Variants in TES observed in about 807,000 individuals in gnomAD.
TES encodes testin.
In TES, 41 loss-of-function variants were observed where a neutral mutation model predicts 48.2. The observed-to-expected ratio is 0.85, with a 90% CI of 0.66 to 1.10. The LOEUF (loss-of-function observed/expected upper bound fraction) is 1.10. TES is among the 50% of genes least tolerant of loss of function. TES has a pLI of 0.00. For synonymous variants in TES, 162 were observed against 174.9 expected, an observed-to-expected ratio of 0.93 and a Z score of 0.58; for missense variants, 463 against 515.1, an observed-to-expected ratio of 0.90 and a Z score of 0.98.
At chr7:116,210,928 C>G in intron 1 of TES, 194 bp downstream of exon 1, 1 of 389,338 alleles carries the variant, frequency 2.6e-6, no homozygotes, top group African/African-American at 2.1e-5. Context: ...GCCAGCTCCC[C>G]ACACTCGGGA....
Position 116,244,899 on chromosome 7 carries a change from C to T in TES, c.114-4121C>T, listed in dbSNP as rs539465941. The stretch of plus-strand genomic sequence containing the variant: ...GTATGGAAGCTGCCAAGGCTTGGGG[C>T]TTGCACCCTCTGAAGCAATGGGCCA... On this transcript the variant is annotated intron_variant, in intron 2 of 6. Coordinates refer to ENST00000358204, the MANE Select transcript of TES (RefSeq NM_015641.4). 5.3e-5 allele frequency among the ~76,000 whole-genome samples: 8 copies of T among 152,330 alleles called. No individual in the cohort carries two copies. In the South Asian group the frequency reaches 1.4e-3, roughly 28 times the overall value.
At position 116,257,367 on chromosome 7, in the gene TES, C is replaced by T. The variant is rs753794890; in HGVS notation, c.1151C>T (p.Ala384Val). Residue 384 changes from alanine (A) to valine (V), a missense_variant, in exon 7 of 7, where the codon GCA (alanine) becomes GTA (valine). By Grantham distance (64) the Ala-to-Val change is moderately conservative (BLOSUM62 0). Transcript: ENST00000358204. ...ACCTATAACAATTTCAGCTGGCATG[C>T]ATCCACAGAGTGCTTTCTGTGCTCT... The part of the protein sequence containing the change: ...RVTYNNFSWH[A>V]STECFLCSCC... 2.5e-6 allele frequency: 4 copies of T among 1,614,058 alleles called. No individual in the cohort carries two copies. The highest frequency in any genetic ancestry group is 3.4e-6 in the Non-Finnish European group (4 of 1,179,984).
chr7:116,228,764 C>A (rs1446577229), intron 1 of TES, among the ~76,000 whole-genome samples: 1 of 151,732 alleles, frequency 6.6e-6, no homozygotes, highest in African/African-American at 2.4e-5. Flanking sequence ...GAATAATAAC[C>A]AAACTAAGAC....
chr7:116,213,540 A>G (rs1799462206), intron 1 of TES, among the ~76,000 whole-genome samples: 1 of 152,230 alleles, frequency 6.6e-6, no homozygotes, highest in African/African-American at 2.4e-5. Context: ...CTATTATAAA[A>G]TTCTTGGTTT....
intron 1 of TES, among the ~76,000 whole-genome samples, chr7:116,227,910 C>T (rs1475122415): frequency 6.6e-6 from 1 of 151,988 alleles, no homozygotes; most frequent in Admixed American, 6.6e-5. Flanking sequence ...ATCAGATGAT[C>T]TCACCCTGAA....
intron 1 of TES, among the ~76,000 whole-genome samples, chr7:116,232,586 A>T (rs1479652244): frequency 6.6e-6 from 1 of 152,194 alleles, no homozygotes; most frequent in Non-Finnish European, 1.5e-5. Flanking sequence ...TCATTTTACT[A>T]TGGATATTGT....
At chr7:116,254,758 ATGTGTG>A (rs202115399) in intron 6 of TES, among the ~76,000 whole-genome samples, 332 of 116,798 alleles carry the variant, frequency 2.8e-3, no homozygotes, top group Non-Finnish European at 4.4e-3. Context: ...ATATATATAT[ATGTGTG>A]TGTGTGTGTG....
chr7:116,233,236 T>A (rs1227416782), intron 1 of TES, among the ~76,000 whole-genome samples: 1 of 152,218 alleles, frequency 6.6e-6, no homozygotes, highest in African/African-American at 2.4e-5. Flanking sequence ...ACTGTACTGA[T>A]GTAAGGCTGG....
chr7:116,227,079 C>A (rs1799629875), intron 1 of TES, among the ~76,000 whole-genome samples: 1 of 150,158 alleles, frequency 6.7e-6, no homozygotes, highest in African/African-American at 2.4e-5. Context: ...GTGTAACCTA[C>A]ACTTTTTATT....
At chr7:116,235,157 G>T (rs1799752410) in intron 2 of TES, among the ~76,000 whole-genome samples, 1 of 152,132 alleles carries the variant, frequency 6.6e-6, no homozygotes, top group South Asian at 2.1e-4. Flanking sequence ...CGCCATGTTG[G>T]CAAGGCTGGT....
intron 2 of TES, among the ~76,000 whole-genome samples, chr7:116,240,531 T>C (rs1372224480): frequency 6.6e-6 from 1 of 152,152 alleles, no homozygotes; most frequent in Non-Finnish European, 1.5e-5. Flanking sequence ...ATATATGTGT[T>C]AATGGTGCTA....
intron 2 of TES, among the ~76,000 whole-genome samples, chr7:116,242,913 G>T (rs912213552): frequency 1.8e-4 from 27 of 152,034 alleles, no homozygotes; most frequent in African/African-American, 6.0e-4. Flanking sequence ...GTGATAGCAA[G>T]GTTGCTTTCT....
intron 1 of TES, among the ~76,000 whole-genome samples, chr7:116,215,927 A>T (rs1799488765): frequency 6.6e-6 from 1 of 152,108 alleles, no homozygotes; most frequent in African/African-American, 2.4e-5. Context: ...TGGGAGAACT[A>T]TTTTTTTGTT....
At chr7:116,241,054 A>C (rs1259246054) in intron 2 of TES, among the ~76,000 whole-genome samples, 1 of 152,202 alleles carries the variant, frequency 6.6e-6, no homozygotes, top group Non-Finnish European at 1.5e-5. Context: ...AATCTGGGTT[A>C]GTTTAGGCTG....
intron 1 of TES, among the ~76,000 whole-genome samples, chr7:116,225,189 A>G (rs1204217277): frequency 9.1e-6 from 1 of 109,730 alleles, no homozygotes; most frequent in Non-Finnish European, 1.9e-5. Flanking sequence ...ACTTCAACAT[A>G]TCCTGCCAAA....
intron 6 of TES, among the ~76,000 whole-genome samples, chr7:116,256,620 T>C (rs1800102606): frequency 6.6e-6 from 1 of 152,212 alleles, no homozygotes; most frequent in South Asian, 2.1e-4. Context: ...TGTGTATGTA[T>C]ATACATGTTT....
At chr7:116,219,113 C>G (rs2178167) in intron 1 of TES, among the ~76,000 whole-genome samples, 97,060 of 151,810 alleles carry the variant, frequency 0.64, 31,277 homozygotes, top group African/African-American at 0.71. Context: ...GTGTGGGTTG[C>G]GATTATTTTA....
At chr7:116,227,772 A>G (rs1186914902) in intron 1 of TES, among the ~76,000 whole-genome samples, 1 of 152,170 alleles carries the variant, frequency 6.6e-6, no homozygotes, top group Non-Finnish European at 1.5e-5. Context: ...GGAGTGGGAG[A>G]GAGAGATGTA....
chr7:116,227,483 A>G (rs1245699899), intron 1 of TES, among the ~76,000 whole-genome samples: 1 of 152,120 alleles, frequency 6.6e-6, no homozygotes, highest in African/African-American at 2.4e-5. Context: ...AATGAACTAA[A>G]ACGTTCAAAT....
Sources: gnomAD v4.1 joint callset for allele counts (sites outside exome capture counted in the v4.1 genomes callset) on GRCh38, gnomAD v4.1.1 for gene constraint, MANE v1.5 for transcripts, NCBI Gene and HGNC (gene_info 2026-07-23, HGNC 2026-07-21) for gene names.